Variants in SOX6 observed in about 807,000 individuals in gnomAD.
The protein encoded by SOX6 is SRY-box transcription factor 6, also known as transcription factor SOX-6.
SOX6 carries 11 observed loss-of-function variants against 97.8 expected under a neutral mutation model. That is an observed-to-expected ratio of 0.11 (90% CI 0.07 to 0.19). The LOEUF (loss-of-function observed/expected upper bound fraction) is 0.19. Among genes scored for constraint, SOX6 ranks in the 10% least tolerant of loss-of-function variants. The pLI is 1.00. For synonymous variants in SOX6, 360 were observed against 371.4 expected, an observed-to-expected ratio of 0.97 and a Z score of 0.35; for missense variants, 810 against 1,039.5, an observed-to-expected ratio of 0.78 and a Z score of 3.04.
At chr11:16,451,218 C>A (rs780950474) in intron 1 of SOX6, among the ~76,000 whole-genome samples, 16 of 152,090 alleles carry the variant, frequency 1.1e-4, no homozygotes, top group Non-Finnish European at 2.1e-4. Context: ...GACAACAGAG[C>A]AAGATCCTGT....
rs1590173134 is a variant in SOX6 at position 16,381,033 on chromosome 11, T to C, written c.-4-39781A>G. On this transcript the variant is annotated intron_variant, in intron 1 of 15. Coordinates refer to the SOX6 transcript ENST00000396356. ...TAAAAAAATAGATTCTTTAGCTTTA[T>C]AATTATAGAAAAAATTGATACAAAT... 3.9e-5 allele frequency among the ~76,000 whole-genome samples: 6 copies of C among 152,186 alleles called. No homozygotes were observed. In the South Asian group the frequency reaches 1.2e-3, roughly 31 times the overall value.
intron 4 of SOX6, 90 bp downstream of exon 4, chr11:16,234,492 T>C (rs1432083193): frequency 9.4e-6 from 7 of 746,554 alleles, no homozygotes; most frequent in African/African-American, 1.7e-5. Flanking sequence ...TAAGATTTAC[T>C]GTTACAGTAC....
chr11:16,688,080 C>T (rs955525600), intron 3 of SOX6, among the ~76,000 whole-genome samples: 2 of 152,056 alleles, frequency 1.3e-5, no homozygotes, highest in African/African-American at 4.8e-5. Context: ...TCAAACGATG[C>T]TCCCATCTCA....
chr11:16,686,744 TTTATAGCA>T (rs1847972210), intron 3 of SOX6, among the ~76,000 whole-genome samples: 1 of 152,154 alleles, frequency 6.6e-6, no homozygotes, highest in Admixed American at 6.5e-5. Context: ...TTCAGGTAGC[TTTATAGCA>T]AAGCCTTACT....
chr11:15,989,873 A>T (rs1230570446), intron 13 of SOX6, among the ~76,000 whole-genome samples: 1 of 152,242 alleles, frequency 6.6e-6, no homozygotes, highest in Non-Finnish European at 1.5e-5. Flanking sequence ...ACAGACAATT[A>T]TAACAAAGTG....
intron 4 of SOX6, among the ~76,000 whole-genome samples, chr11:16,523,893 T>A (rs1565171588): frequency 6.6e-6 from 1 of 152,128 alleles, no homozygotes; most frequent in Non-Finnish European, 1.5e-5. Context: ...AAGAAATGGA[T>A]AAATTCCTCA....
chr11:16,427,154 C>T (rs538074537), intron 1 of SOX6, among the ~76,000 whole-genome samples: 1 of 151,736 alleles, frequency 6.6e-6, no homozygotes, highest in Non-Finnish European at 1.5e-5. Flanking sequence ...AGCTTCTGCA[C>T]AGTAAAAGAA....
rs910704653 is a variant in SOX6 at position 16,653,625 on chromosome 11, G to A, written n.430-41365C>T. 8.5e-5 allele frequency among the ~76,000 whole-genome samples: 13 copies of A among 152,230 alleles called. No homozygotes were observed. The South Asian group carries it at 1.7e-3, about 19-fold the overall frequency. ...ATGGACTTTGGGGACTAGGGGAAGCGGGTAGGAGGGTGAGGGATGATAAAG... is the reference window on the plus strand; with the variant it reads ...ATGGACTTTGGGGACTAGGGGAAGCAGGTAGGAGGGTGAGGGATGATAAAG... On this transcript the variant is annotated intron_variant and non_coding_transcript_variant, in intron 3 of 5. Transcript: ENST00000524520.
intron 7 of SOX6, among the ~76,000 whole-genome samples, chr11:16,109,300 A>G (rs1429702080): frequency 6.6e-6 from 1 of 152,244 alleles, no homozygotes; most frequent in Non-Finnish European, 1.5e-5. Context: ...TACCGGGCTC[A>G]AGCAATCTTC....
intron 13 of SOX6, among the ~76,000 whole-genome samples, chr11:16,000,965 TC>T (rs1156556965): frequency 6.6e-6 from 1 of 152,126 alleles, no homozygotes; most frequent in Non-Finnish European, 1.5e-5. Flanking sequence ...CAAGCGATTC[TC>T]CTGCCTCAGC....
At chr11:16,460,758 C>A (rs1198642117) in intron 1 of SOX6, among the ~76,000 whole-genome samples, 1 of 152,070 alleles carries the variant, frequency 6.6e-6, no homozygotes, top group Admixed American at 6.5e-5. Flanking sequence ...ACTCCATGTG[C>A]ACCTGTTCTA....
intron 4 of SOX6, among the ~76,000 whole-genome samples, chr11:16,572,939 C>A (rs1847951882): frequency 6.6e-6 from 1 of 152,144 alleles, no homozygotes; most frequent in Non-Finnish European, 1.5e-5. Flanking sequence ...CTGCAACTTT[C>A]TTTAAACCAC....
chr11:16,680,010 A>G (rs1392613961), intron 3 of SOX6, among the ~76,000 whole-genome samples: 1 of 152,196 alleles, frequency 6.6e-6, no homozygotes, highest in Non-Finnish European at 1.5e-5. Context: ...TGATGGGGAG[A>G]ATGGAACCAA....
intron 3 of SOX6, among the ~76,000 whole-genome samples, chr11:16,684,772 T>G (rs1189462633): frequency 6.6e-6 from 1 of 151,738 alleles, no homozygotes; most frequent in Admixed American, 6.6e-5. Flanking sequence ...GCCTTTCTCT[T>G]TGGAAAAAAA....
At chr11:16,528,061 C>T (rs922068741) in intron 4 of SOX6, among the ~76,000 whole-genome samples, 2 of 152,078 alleles carry the variant, frequency 1.3e-5, no homozygotes, top group African/African-American at 4.8e-5. Flanking sequence ...TTCAAGCCCG[C>T]TCCATTATTT....
chr11:16,525,704 A>C (rs1465664134), intron 4 of SOX6, among the ~76,000 whole-genome samples: 1 of 151,918 alleles, frequency 6.6e-6, no homozygotes, highest in Non-Finnish European at 1.5e-5. Flanking sequence ...CAACCTACAA[A>C]ATGGGAGAAA....
intron 1 of SOX6, among the ~76,000 whole-genome samples, chr11:16,461,231 C>T (rs978356035): frequency 1.3e-5 from 2 of 152,114 alleles, no homozygotes; most frequent in Non-Finnish European, 2.9e-5. Context: ...ATACCCTTAC[C>T]AGTCTTATTC....
intron 3 of SOX6, among the ~76,000 whole-genome samples, chr11:16,277,897 C>T (rs1427111041): frequency 6.6e-6 from 1 of 152,090 alleles, no homozygotes; most frequent in Non-Finnish European, 1.5e-5. Flanking sequence ...CTTGGTTAGG[C>T]CAATTTTATC....
At chr11:16,708,219 T>A (rs1042303964) in intron 3 of SOX6, among the ~76,000 whole-genome samples, 4 of 152,230 alleles carry the variant, frequency 2.6e-5, no homozygotes, top group African/African-American at 9.6e-5. Flanking sequence ...ACCTTGAAAT[T>A]CATTGATCTT....
Sources: gnomAD v4.1 joint callset for allele counts (sites outside exome capture counted in the v4.1 genomes callset) on GRCh38, gnomAD v4.1.1 for gene constraint, MANE v1.5 for transcripts, NCBI Gene and HGNC (gene_info 2026-07-23, HGNC 2026-07-21) for gene names.